ATF2: variants seen among roughly 807,000 people sequenced by gnomAD.
ATF2 encodes activating transcription factor 2, also known as cyclic AMP-dependent transcription factor ATF-2.
ATF2 carries 24 observed loss-of-function variants against 60.6 expected under a neutral mutation model. That is an observed-to-expected ratio of 0.40 (90% CI 0.29 to 0.56). ATF2 has a LOEUF of 0.56. Among genes scored for constraint, ATF2 ranks in the 20% least tolerant of loss-of-function variants. The probability of loss-of-function intolerance (pLI) is 0.54; values close to 1 mark genes in which losing one functional copy is unlikely to be tolerated. For synonymous variants in ATF2, 206 were observed against 215.4 expected (o/e 0.96, Z 0.38); for missense variants, 433 against 607.7 (o/e 0.71, Z 3.02).
chr2:175,151,528 A>T (rs1373279064), intron 1 of ATF2, among the ~76,000 whole-genome samples: 1 of 152,150 alleles, frequency 6.6e-6, no homozygotes, highest in Non-Finnish European at 1.5e-5. Flanking sequence ...TTGAGCATCA[A>T]AATTTTTAGA....
chr2:175,088,585 C>A (rs1482077623), intron 12 of ATF2, among the ~76,000 whole-genome samples: 1 of 151,738 alleles, frequency 6.6e-6, no homozygotes, highest in African/African-American at 2.4e-5. Context: ...ACAGTTTTTG[C>A]CATTAAAAGT....
At chr2:175,106,219 C>A (rs1695653432) in intron 10 of ATF2, among the ~76,000 whole-genome samples, 1 of 152,130 alleles carries the variant, frequency 6.6e-6, no homozygotes, top group South Asian at 2.1e-4. Flanking sequence ...CTAACAAAAA[C>A]CTTATATCCA....
chr2:175,160,585 T>C (rs1574511909), intron 1 of ATF2, among the ~76,000 whole-genome samples: 2 of 152,208 alleles, frequency 1.3e-5, no homozygotes, highest in South Asian at 4.1e-4. Flanking sequence ...TCACTGATTC[T>C]CAACTTTGTG....
chr2:175,075,690 C>T (rs547357938), intron 13 of ATF2, among the ~76,000 whole-genome samples: 9 of 152,132 alleles, frequency 5.9e-5, no homozygotes, highest in Non-Finnish European at 8.8e-5. Context: ...ACCTGGGAAC[C>T]GAGCCGCCAA....
At chr2:175,139,462 A>G (rs1425217097) in intron 2 of ATF2, among the ~76,000 whole-genome samples, 1 of 152,070 alleles carries the variant, frequency 6.6e-6, no homozygotes, top group African/African-American at 2.4e-5. Context: ...ACCTGAGGTC[A>G]GGAGTTCAAG....
intron 12 of ATF2, among the ~76,000 whole-genome samples, chr2:175,091,888 T>C (rs1448340816): frequency 1.3e-5 from 2 of 152,122 alleles, no homozygotes; most frequent in South Asian, 2.1e-4. Context: ...ATTTATCAGA[T>C]GATAAATGAT....
chr2:175,083,667 T>A (rs1455182264), intron 12 of ATF2, among the ~76,000 whole-genome samples: 1 of 151,926 alleles, frequency 6.6e-6, no homozygotes, highest in African/African-American at 2.4e-5. Context: ...ACTAAAGAGC[T>A]TCTGCACAGC....
At chr2:175,085,951 C>T (rs1044241164) in intron 12 of ATF2, among the ~76,000 whole-genome samples, 19 of 152,136 alleles carry the variant, frequency 1.2e-4, no homozygotes, top group Admixed American at 3.9e-4. Flanking sequence ...AAACTCTGCA[C>T]ATTCTTATAT....
chr2:175,143,893 G>C (rs759434090), intron 2 of ATF2, among the ~76,000 whole-genome samples: 1 of 151,926 alleles, frequency 6.6e-6, no homozygotes, highest in Non-Finnish European at 1.5e-5. Flanking sequence ...TCTCAGACTT[G>C]AGCAATCCTC....
intron 11 of ATF2, among the ~76,000 whole-genome samples, chr2:175,095,029 G>A (rs1694832664): frequency 2.6e-5 from 4 of 152,024 alleles, no homozygotes; most frequent in Middle Eastern, 3.4e-3. Context: ...TAATGTTTTA[G>A]AAAAATATTT....
chr2:175,080,623 C>T (rs780060758), intron 13 of ATF2, 37 bp downstream of exon 13: 25 of 1,519,312 alleles, frequency 1.6e-5, no homozygotes, highest in East Asian at 9.1e-5. Flanking sequence ...ATTTCACTGA[C>T]GTAGCCTAAG....
At chr2:175,142,779 C>G (rs1280536281) in intron 2 of ATF2, among the ~76,000 whole-genome samples, 1 of 145,628 alleles carries the variant, frequency 6.9e-6, no homozygotes, top group Non-Finnish European at 1.5e-5. Flanking sequence ...CTAAAAAACC[C>G]TAAAGCTGCA....
At chr2:175,140,200 G>C (rs1698408230) in intron 2 of ATF2, among the ~76,000 whole-genome samples, 1 of 152,074 alleles carries the variant, frequency 6.6e-6, no homozygotes, top group Non-Finnish European at 1.5e-5. Flanking sequence ...AAATCAGCTA[G>C]GCGAAAATGC....
intron 1 of ATF2, among the ~76,000 whole-genome samples, chr2:175,163,467 C>T (rs1176075101): frequency 3.3e-5 from 5 of 152,122 alleles, no homozygotes. Flanking sequence ...GCCACTACTA[C>T]TGTTGGAAGT....
At chr2:175,121,241 A>C (rs1696936277) in intron 5 of ATF2, among the ~76,000 whole-genome samples, 1 of 151,858 alleles carries the variant, frequency 6.6e-6, no homozygotes, top group South Asian at 2.1e-4. Context: ...TTGGAATATA[A>C]ATTTGAAAAC....
chr2:175,167,921 T>C, intron 1 of ATF2, 129 bp downstream of exon 1: 1 of 361,304 alleles, frequency 2.8e-6, no homozygotes, highest in Middle Eastern at 8.3e-4. Context: ...AAGGAGCACG[T>C]CAGGAGCACC....
intron 7 of ATF2, among the ~76,000 whole-genome samples, chr2:175,117,781 A>T (rs534527271): frequency 2.6e-5 from 4 of 152,090 alleles, no homozygotes; most frequent in African/African-American, 9.6e-5. Context: ...TTTATGTAAC[A>T]TGACTGTTCT....
chr2:175,097,314 C>A, intron 11 of ATF2, 130 bp downstream of exon 11: 3 of 1,310,034 alleles, frequency 2.3e-6, no homozygotes, highest in Non-Finnish European at 3.1e-6. Flanking sequence ...CTACCTTTTC[C>A]TGAGGCTTTT....
At chr2:175,132,491 C>G (rs1697804210) in intron 3 of ATF2, among the ~76,000 whole-genome samples, 2 of 152,104 alleles carry the variant, frequency 1.3e-5, no homozygotes, top group Admixed American at 1.3e-4. Flanking sequence ...GAATGTTGAA[C>G]AAACAAACCA....
Sources: gnomAD v4.1 joint callset for allele counts (sites outside exome capture counted in the v4.1 genomes callset) on GRCh38, gnomAD v4.1.1 for gene constraint, MANE v1.5 for transcripts, NCBI Gene and HGNC (gene_info 2026-07-23, HGNC 2026-07-21) for gene names.